Variants in TASP1 observed in about 807,000 individuals in gnomAD.
The protein encoded by TASP1 is threonine aspartase 1.
In TASP1, 16 loss-of-function variants were observed where a neutral mutation model predicts 56.6. The ratio of observed to expected loss-of-function variants is 0.28; its 90% CI spans 0.19 to 0.43. The LOEUF is 0.43. Ranked by LOEUF, TASP1 falls within the 20% of genes least tolerant of loss-of-function variation. The pLI, the probability that TASP1 is intolerant of heterozygous loss-of-function variation, is 1.00. For synonymous variants in TASP1, 179 were observed against 184.2 expected (o/e 0.97, Z 0.23); for missense variants, 393 against 511.6 (o/e 0.77, Z 2.24).
the TASP1 span, among the ~76,000 whole-genome samples, chr20:13,258,816 C>G: frequency 6.6e-6 from 1 of 152,068 alleles, no homozygotes; most frequent in Non-Finnish European, 1.5e-5. Context: ...CCATAAGGAC[C>G]CTCACAGGAG....
rs191005323 is a variant in TASP1, at chr20:13,602,350, G to T, written c.283-14980C>A. Among the ~76,000 whole-genome samples, 86 of 152,292 alleles carry T rather than the reference G, an allele frequency of 5.6e-4. 1 individual carries two copies. In the South Asian group the frequency reaches 0.012, roughly 22 times the overall value. On this transcript the variant is annotated intron_variant, in intron 4 of 13. Coordinates refer to ENST00000337743, the MANE Select transcript of TASP1 (RefSeq NM_017714.3). ...ACCTAGAAACATGACAACTAAAAAT[G>T]TAATGTGGTATCCTGGATGGAACCC...
chr20:13,582,633 T>G (rs1437750668), intron 5 of TASP1, among the ~76,000 whole-genome samples: 1 of 152,146 alleles, frequency 6.6e-6, no homozygotes, highest in Non-Finnish European at 1.5e-5. Flanking sequence ...TGAAATAGAA[T>G]AAAGCTAAAG....
chr20:13,123,393 TC>T, the TASP1 span, among the ~76,000 whole-genome samples: 4 of 152,160 alleles, frequency 2.6e-5, no homozygotes, highest in Non-Finnish European at 5.9e-5. Context: ...CAGATGCTTT[TC>T]TAAGCATCCC....
At chr20:13,289,799 G>T in the TASP1 span, among the ~76,000 whole-genome samples, 2 of 152,128 alleles carry the variant, frequency 1.3e-5, no homozygotes, top group Non-Finnish European at 2.9e-5. Flanking sequence ...GTCTTACTGT[G>T]TATTTCCCAT....
chr20:13,596,821 A>G (rs879257951), intron 4 of TASP1, among the ~76,000 whole-genome samples: 1 of 152,206 alleles, frequency 6.6e-6, no homozygotes, highest in Non-Finnish European at 1.5e-5. Context: ...GAAGAATCAA[A>G]TAGATGCAAT....
chr20:13,276,856 C>T, the TASP1 span, among the ~76,000 whole-genome samples: 2 of 152,178 alleles, frequency 1.3e-5, no homozygotes, highest in Non-Finnish European at 2.9e-5. Context: ...AATTGGATGC[C>T]TATGAAACCT....
chr20:13,516,658 G>GTT (rs34296221), intron 10 of TASP1, among the ~76,000 whole-genome samples: 11 of 124,850 alleles, frequency 8.8e-5, no homozygotes, highest in East Asian at 2.3e-4. Flanking sequence ...TTACGCCTTT[G>GTT]TTTTTTTTTT....
the TASP1 span, among the ~76,000 whole-genome samples, chr20:13,346,574 T>C: frequency 1.3e-5 from 2 of 152,196 alleles, no homozygotes; most frequent in Admixed American, 6.5e-5. Context: ...CACTGCCCTA[T>C]AGGGTGTGTC....
chr20:13,130,393 G>T, the TASP1 span, among the ~76,000 whole-genome samples: 1 of 151,938 alleles, frequency 6.6e-6, no homozygotes, highest in Non-Finnish European at 1.5e-5. Flanking sequence ...TCAAGGCTTT[G>T]TTTCAGGTTG....
chr20:13,593,730 C>T (rs1275246148), intron 4 of TASP1, among the ~76,000 whole-genome samples: 1 of 152,224 alleles, frequency 6.6e-6, no homozygotes, highest in Non-Finnish European at 1.5e-5. Flanking sequence ...CACCGCAGCT[C>T]AGCAAGGCCT....
At chr20:13,631,761 A>C (rs2049093748) in intron 1 of TASP1, among the ~76,000 whole-genome samples, 1 of 152,234 alleles carries the variant, frequency 6.6e-6, no homozygotes, top group South Asian at 2.1e-4. Flanking sequence ...AAATTATAAT[A>C]TTTATATTTT....
chr20:13,306,061 C>T, the TASP1 span, among the ~76,000 whole-genome samples: 55 of 147,266 alleles, frequency 3.7e-4, no homozygotes, highest in Middle Eastern at 3.6e-3. Context: ...TATAGATATT[C>T]ACGATTGCCC....
chr20:13,280,360 ATGAACGTGTG>A, the TASP1 span, among the ~76,000 whole-genome samples: 32,671 of 149,482 alleles, frequency 0.22, 3,660 homozygotes, highest in African/African-American at 0.27. Context: ...GGGAACCCAC[ATGAACGTGTG>A]TGTCTCAGGT....
chr20:13,568,191 A>G (rs1364360727), intron 7 of TASP1, among the ~76,000 whole-genome samples: 1 of 152,110 alleles, frequency 6.6e-6, no homozygotes, highest in African/African-American at 2.4e-5. Context: ...TCTGTCACAC[A>G]AACTGGAATA....
chr20:13,398,770 A>G (rs904342247), intron 13 of TASP1, among the ~76,000 whole-genome samples: 1 of 152,232 alleles, frequency 6.6e-6, no homozygotes, highest in Non-Finnish European at 1.5e-5. Context: ...TTGGATATAA[A>G]GTGAAGCAGC....
chr20:13,190,168 G>A, the TASP1 span, among the ~76,000 whole-genome samples: 3 of 152,104 alleles, frequency 2.0e-5, no homozygotes, highest in Non-Finnish European at 4.4e-5. Context: ...AGGGAGCAAG[G>A]GTTGAGAAAC....
the TASP1 span, among the ~76,000 whole-genome samples, chr20:13,205,557 G>C: frequency 6.7e-6 from 1 of 149,300 alleles, no homozygotes; most frequent in Non-Finnish European, 1.5e-5. Context: ...CTTGCAAACA[G>C]TCATCTCCTT....
intron 6 of TASP1, among the ~76,000 whole-genome samples, chr20:13,572,267 T>TCTAGATTAATAGATTTATATTAATAGA: frequency 6.6e-6 from 1 of 152,184 alleles, no homozygotes; most frequent in East Asian, 1.9e-4. Context: ...AGTGTCAAAC[T>TCTAGATTAATAGATTTATATTAATAGA]TCTCTAGATT....
chr20:13,452,131 T>C (rs2043644836), intron 11 of TASP1, among the ~76,000 whole-genome samples: 1 of 151,976 alleles, frequency 6.6e-6, no homozygotes, highest in South Asian at 2.1e-4. Context: ...TGACAGACTA[T>C]CAGCACAGAT....
Sources: allele counts gnomAD v4.1 joint callset (sites outside exome capture counted in the v4.1 genomes callset), GRCh38; gene constraint gnomAD v4.1.1; transcripts MANE v1.5; gene names NCBI Gene and HGNC (gene_info 2026-07-23, HGNC 2026-07-21).